Variants in TP53BP1 observed in about 807,000 individuals in gnomAD.
TP53BP1 encodes the protein TP53-binding protein 1.
A neutral mutation model predicts 200.8 loss-of-function variants in TP53BP1; 61 were observed. The ratio of observed to expected loss-of-function variants is 0.30; its 90% CI spans 0.25 to 0.38. The LOEUF is 0.38. Among genes scored for constraint, TP53BP1 ranks in the 10% least tolerant of loss-of-function variants. The probability of loss-of-function intolerance (pLI) is 1.00; values close to 1 mark genes in which losing one functional copy is unlikely to be tolerated. For missense variants in TP53BP1, 2,144 were observed against 2,371.9 expected (o/e 0.90, Z 2.00); for synonymous variants, 822 against 844.3 (o/e 0.97, Z 0.46).
chr15:43,438,244 C>A, intron 16 of TP53BP1, 80 bp downstream of exon 16: 3 of 1,257,592 alleles, frequency 2.4e-6, no homozygotes, highest in Admixed American at 1.8e-5. Context: ...CAAACCACAG[C>A]ACAGTACATA....
chr15:43,451,336 C>A (rs1022398947), intron 12 of TP53BP1, among the ~76,000 whole-genome samples: 17 of 150,716 alleles, frequency 1.1e-4, no homozygotes, highest in Middle Eastern at 3.4e-3. Context: ...CCTCCCCCGT[C>A]CCCCCACCCC....
Position 43,407,630 on chromosome 15 carries a change from A to AAGAG in TP53BP1, c.5747-64_5747-61dup, listed in dbSNP as rs45502394. On this transcript the variant is annotated intron_variant, in intron 27 of 27. Coordinates refer to ENST00000382044, the MANE Select transcript of TP53BP1 (RefSeq NM_001141980.3). ...ACACTCAACTTAGCCCTCCATTAGA[A>AAGAG]AGAGAGATTTGATTCTAACCAATAC... 1.1e-5 allele frequency: 17 copies of AAGAG among 1,504,914 alleles called. No individual in the cohort carries two copies. The Admixed American group carries it at 2.8e-4, about 25-fold the overall frequency. 93.2% of individuals were successfully genotyped at this position (1,504,914 alleles called of 1,614,324 possible).
rs748515735 is a variant in TP53BP1 at position 43,470,046 on chromosome 15, C to A, written c.1201G>T (p.Val401Leu). 1 of 1,613,046 alleles carries A rather than the reference C, an allele frequency of 6.2e-7. No homozygotes were observed. The highest frequency in any genetic ancestry group is 8.5e-7 in the Non-Finnish European group (1 of 1,180,014). Residue 401 changes from valine (V) to leucine (L), a missense_variant, in exon 11 of 28, where the codon GTG becomes TTG. By Grantham distance (32) the Val-to-Leu change is conservative. This residue lies in a region of TP53BP1 where 1,700 missense variants were observed against 1,710.3 expected (regional missense o/e 0.99). Transcript: ENST00000382044. ...GGCTCTCCTCCTTCTTCAGATAACA[C>A]TGACGTGTCCATTGGCTTATCTGGT... ...GRQDKPMDTS[V>L]LSEEGGEPFQ...
At position 43,406,479 on chromosome 15, in the gene TP53BP1, C is replaced by T. The variant is rs2044885922; in HGVS notation, c.*904G>A. 5.0e-6 allele frequency: 2 copies of T among 402,740 alleles called. No homozygotes were observed. The highest frequency in any genetic ancestry group is 2.8e-5 in the Admixed American group (1 of 36,224). The allele number at this position is 402,740 out of a possible 1,614,324, so 24.9% of individuals were successfully genotyped here. On this transcript the variant is annotated 3_prime_UTR_variant, in exon 28 of 28. Coordinates refer to ENST00000382044, the MANE Select transcript of TP53BP1 (RefSeq NM_001141980.3). ...TTTGTACAGTTTTACTGAAACACAG[C>T]CATGCCCATTTGTTTACTCATTGTC...
intron 19 of TP53BP1, 114 bp from the exon 20 acceptor site, chr15:43,421,288 G>C: frequency 8.7e-7 from 1 of 1,147,138 alleles, no homozygotes; most frequent in South Asian, 1.5e-5. Context: ...GAGCCTTTGG[G>C]GCAGCAGGAA....
chr15:43,404,365 G>C lies in TP53BP1; in HGVS notation c.*3018C>G. The C allele has an allele frequency of 6.2e-7, 1 of 1,610,440 alleles. No individual in the cohort carries two copies. Among genetic ancestry groups the C allele is most frequent in the African/African-American group, 1.3e-5 (1 of 74,962 alleles). On this transcript the variant is annotated 3_prime_UTR_variant, in exon 28 of 28. Coordinates refer to ENST00000382044, the MANE Select transcript of TP53BP1 (RefSeq NM_001141980.3). ...CCTCCGCCCCCATCCTCCATATGGA[G>C]AGTTGGTGAGCTGAAGTGGAATGAC...
chr15:43,468,104 T>C (rs2046634898), intron 11 of TP53BP1, among the ~76,000 whole-genome samples: 1 of 152,020 alleles, frequency 6.6e-6, no homozygotes, highest in Non-Finnish European at 1.5e-5. Context: ...ACTTTTTTTT[T>C]TTTTGAGACA....
At chr15:43,497,639 T>C (rs886289272), upstream of TP53BP1, 1 of 172,988 alleles carries the variant, frequency 5.8e-6, no homozygotes, top group African/African-American at 2.4e-5. Context: ...AGAACAAATA[T>C]TGTGTGATTC....
rs754987251 is a variant in TP53BP1, at chr15:43,477,588, G to T, written c.955+5C>A. On this transcript the variant is annotated splice_donor_5th_base_variant and intron_variant, in intron 8 of 27. Transcript: ENST00000382044. ...AGAGCTGTAACGACAAATCACTCTT[G>T]GTACCTGTTTTATTGCTCTGGTCAA... is the stretch of plus-strand genomic sequence containing the variant. 1 of 1,604,644 alleles carries T rather than the reference G, an allele frequency of 6.2e-7. No homozygotes were observed.
chr15:43,472,498 G>A (rs1408259779), intron 10 of TP53BP1, among the ~76,000 whole-genome samples: 1 of 152,170 alleles, frequency 6.6e-6, no homozygotes, highest in African/African-American at 2.4e-5. Flanking sequence ...GAAAAGGAAA[G>A]CTTTCTTGTG....
chr15:43,438,727 G>GAAAA (rs2045856763), intron 15 of TP53BP1, among the ~76,000 whole-genome samples: 1 of 19,312 alleles, frequency 5.2e-5, no homozygotes, highest in African/African-American at 9.2e-4. Context: ...CAAGCAAGAG[G>GAAAA]CAAAAAAAAA....
Position 43,428,038 on chromosome 15 carries a change from T to C in TP53BP1, c.3806A>G (p.Glu1269Gly). 1 of 1,611,454 alleles carries C rather than the reference T, an allele frequency of 6.2e-7. No individual in the cohort carries two copies. Among genetic ancestry groups the C allele is most frequent in the Non-Finnish European group, 8.5e-7 (1 of 1,178,120 alleles). Residue 1269 changes from glutamate (E) to glycine (G), a missense_variant, in exon 18 of 28, where the codon GAA becomes GGA. Physicochemically the swap from Glu to Gly is moderately conservative, Grantham distance 98. Around this residue, in one of 4 missense-constraint regions of TP53BP1, gnomAD observed 1,700 missense variants for 1,710.3 expected, o/e 0.99. Transcript: ENST00000382044. ...TACCTCAGTTACTTTTCTTTCTACT[T>C]CTGTTCCATCCACATAATACACATC... ...ITDVYYVDGT[E>G]VERKVTEETE...
At chr15:43,473,931 C>T (rs1387931307) in intron 10 of TP53BP1, among the ~76,000 whole-genome samples, 1 of 152,228 alleles carries the variant, frequency 6.6e-6, no homozygotes, top group Admixed American at 6.5e-5. Context: ...GGGGGCAGTG[C>T]TCATCAGGGA....
At chr15:43,455,677 C>T (rs1332643276) in intron 12 of TP53BP1, among the ~76,000 whole-genome samples, 1 of 151,536 alleles carries the variant, frequency 6.6e-6, no homozygotes, top group Non-Finnish European at 1.5e-5. Flanking sequence ...GCTGAGACTG[C>T]ACCACTGTAC....
intron 11 of TP53BP1, among the ~76,000 whole-genome samples, chr15:43,465,220 C>T (rs1267291183): frequency 6.6e-6 from 1 of 151,954 alleles, no homozygotes; most frequent in Non-Finnish European, 1.5e-5. Context: ...AGACTACCCT[C>T]GAAGGGCCGA....
chr15:43,477,524 T>C, intron 8 of TP53BP1, 69 bp downstream of exon 8: 1 of 1,404,802 alleles, frequency 7.1e-7, no homozygotes, highest in Non-Finnish European at 9.4e-7. Flanking sequence ...ACTTAACCAG[T>C]AGCCTCAGAA....
intron 11 of TP53BP1, among the ~76,000 whole-genome samples, chr15:43,464,007 T>C (rs2046500918): frequency 6.6e-6 from 1 of 152,220 alleles, no homozygotes; most frequent in African/African-American, 2.4e-5. Flanking sequence ...CTAAGGGATC[T>C]GACCAGGCCA....
At position 43,477,249 on chromosome 15, in the gene TP53BP1, G is replaced by A. The variant is rs536270605; in HGVS notation, c.955+344C>T. On this transcript the variant is annotated intron_variant, in intron 8 of 27. Coordinates refer to ENST00000382044, the MANE Select transcript of TP53BP1 (RefSeq NM_001141980.3). ...CGGGAGGCGGAGCTTGCAGTGAGCCGAGATTGCGCCACTGCACTCCAGCCT... is the reference window on the plus strand; with the variant it reads ...CGGGAGGCGGAGCTTGCAGTGAGCCAAGATTGCGCCACTGCACTCCAGCCT... 4.7e-5 allele frequency among the ~76,000 whole-genome samples: 7 copies of A among 149,508 alleles called. No homozygotes were observed. The South Asian group carries it at 1.1e-3, about 23-fold the overall frequency.
chr15:43,433,546 T>C (rs1039122394), intron 16 of TP53BP1, among the ~76,000 whole-genome samples: 1 of 152,240 alleles, frequency 6.6e-6, no homozygotes, highest in African/African-American at 2.4e-5. Flanking sequence ...ATAAAATAGA[T>C]GCTTAATACA....
Sources: allele counts gnomAD v4.1 joint callset (sites outside exome capture counted in the v4.1 genomes callset), GRCh38; gene constraint gnomAD v4.1.1; regional missense constraint gnomAD v4.1.1; transcripts MANE v1.5; gene names NCBI Gene and HGNC (gene_info 2026-07-23, HGNC 2026-07-21).